Variants in ANK3 observed in about 807,000 individuals in gnomAD.
The protein encoded by ANK3 is ankyrin-3.
In ANK3, 57 loss-of-function variants were observed where a neutral mutation model predicts 370.9. The observed-to-expected ratio is 0.15, with a 90% confidence interval of 0.12 to 0.19. The LOEUF is 0.19. ANK3 is among the 10% of genes least tolerant of loss of function. The probability of loss-of-function intolerance (pLI) is 1.00; values close to 1 mark genes in which losing one functional copy is unlikely to be tolerated. For missense variants in ANK3, 4,439 were observed against 5,302.1 expected (o/e 0.84, Z 5.06); for synonymous variants, 1,929 against 1,946.3 (o/e 0.99, Z 0.23).
intron 2 of ANK3, among the ~76,000 whole-genome samples, chr10:60,408,140 A>C (rs2063490047): frequency 6.6e-6 from 1 of 152,200 alleles, no homozygotes; most frequent in African/African-American, 2.4e-5. Flanking sequence ...TTTCCTAAGA[A>C]ACACTCTTAC....
chr10:60,216,543 T>C (rs571640349), intron 8 of ANK3, among the ~76,000 whole-genome samples: 4 of 152,264 alleles, frequency 2.6e-5, no homozygotes, highest in Admixed American at 2.6e-4. Context: ...TTGTCTTTGG[T>C]TCTGTTTATG....
rs2083032101 is a variant in ANK3 at position 60,072,938 on chromosome 10, T to G, written c.7943A>C (p.Lys2648Thr). Residue 2648 changes from lysine (K) to threonine (T), a missense_variant, in exon 37 of 44, where the codon AAG becomes ACG. This residue lies in a region of ANK3 where 1,601 missense variants were observed against 1,731.7 expected (regional missense o/e 0.92). Transcript: ENST00000280772. ...TCCATCAGGGCCATGCTGTCTTGCC[T>G]TAACCCACTCATCATTGGATGCCAG... ...ELLASNDEWV[K>T]ARQHGPDGQG... 1.9e-6 allele frequency: 3 copies of G among 1,614,012 alleles called. No homozygotes were observed. Among genetic ancestry groups the G allele is most frequent in the Non-Finnish European group, 2.5e-6 (3 of 1,180,016 alleles).
At chr10:60,457,632 T>C (rs1027819731) in intron 2 of ANK3, among the ~76,000 whole-genome samples, 2 of 152,048 alleles carry the variant, frequency 1.3e-5, no homozygotes, top group Admixed American at 6.6e-5. Flanking sequence ...CCTTAGAGTA[T>C]TGGAAGAGGA....
chr10:60,303,711 C>A (rs1239227699), intron 1 of ANK3, among the ~76,000 whole-genome samples: 2 of 152,092 alleles, frequency 1.3e-5, no homozygotes, highest in Non-Finnish European at 2.9e-5. Flanking sequence ...ACAGAACTAC[C>A]TTATGATTCA....
At chr10:60,250,979 A>T (rs537417386) in intron 7 of ANK3, among the ~76,000 whole-genome samples, 4 of 152,328 alleles carry the variant, frequency 2.6e-5, no homozygotes, top group African/African-American at 9.6e-5. Flanking sequence ...AATATTATGA[A>T]CTACACAGTT....
intron 2 of ANK3, among the ~76,000 whole-genome samples, chr10:60,408,240 T>C (rs948339961): frequency 2.6e-5 from 4 of 152,196 alleles, no homozygotes; most frequent in African/African-American, 9.6e-5. Context: ...TCCCCACCCA[T>C]GTTTAATTGT....
chr10:60,103,013 C>T (rs545128372), intron 28 of ANK3, among the ~76,000 whole-genome samples: 6 of 151,872 alleles, frequency 4.0e-5, no homozygotes, highest in South Asian at 2.1e-4. Context: ...TGCAGTGGCG[C>T]GATCTTGGCT....
At chr10:60,641,208 C>T (rs55857708) in intron 1 of ANK3, among the ~76,000 whole-genome samples, 32 of 142,396 alleles carry the variant, frequency 2.2e-4, no homozygotes, top group Non-Finnish European at 4.1e-4. Flanking sequence ...ATACTGCCCA[C>T]GGTAATTTAT....
Position 60,247,595 on chromosome 10 carries a change from C to T in ANK3, c.799-12809G>A, listed in dbSNP as rs1312208214. 2.0e-5 allele frequency among the ~76,000 whole-genome samples: 3 copies of T among 152,130 alleles called. No individual in the cohort carries two copies. The East Asian group carries it at 5.8e-4, about 29-fold the overall frequency. On this transcript the variant is annotated intron_variant, in intron 7 of 43. Coordinates refer to ENST00000280772, the MANE Select transcript of ANK3 (RefSeq NM_020987.5). Reference sequence around the variant, plus strand: ...CTGACTACTATAGATATTATAGATACCTGTGTTAAGTGCAATCATAGTATT... The same window carrying T: ...CTGACTACTATAGATATTATAGATATCTGTGTTAAGTGCAATCATAGTATT...
chr10:60,039,587 T>A (rs72818455), intron 43 of ANK3, among the ~76,000 whole-genome samples: 9,660 of 152,260 alleles, frequency 0.063, 425 homozygotes, highest in Non-Finnish European at 0.098. Context: ...ATACTATTTA[T>A]TAATATAAGT....
In ANK3 at chr10:60,072,692, C is replaced by T. The variant is rs371763950; in HGVS notation, c.8189G>A (p.Ser2730Asn). The T allele has an allele frequency of 3.7e-6, 6 of 1,613,964 alleles. No individual in the cohort carries two copies. The highest frequency in any genetic ancestry group is 1.7e-4 in the Middle Eastern group (1 of 6,056). The change falls in exon 37 of 44, where the codon AGT (serine) becomes AAT (asparagine). Residue 2730 changes from serine (S) to asparagine (N), a missense_variant. Ser to Asn is a conservative substitution (Grantham distance 46, BLOSUM62 1). Around this residue, in one of 13 missense-constraint regions of ANK3, gnomAD observed 1,601 missense variants for 1,731.7 expected, o/e 0.92. Transcript: ENST00000280772. ...LKFEQGTHAK[S>N]KDMSQEDRKS... is the part of the protein sequence containing the mutation. ...TCTGTCTTCTTGAGACATGTCCTTA[C>T]TTTTTGCGTGTGTGCCTTGTTCAAA...
At chr10:60,271,152 C>G (rs1408945109) in intron 4 of ANK3, among the ~76,000 whole-genome samples, 2 of 151,898 alleles carry the variant, frequency 1.3e-5, no homozygotes, top group African/African-American at 4.8e-5. Context: ...AAGATATAAG[C>G]ATCAAACAAT....
intron 42 of ANK3, chr10:60,043,747 C>T (rs1416256879): frequency 1.0e-6 from 1 of 985,410 alleles, no homozygotes; most frequent in African/African-American, 1.7e-5. Context: ...AGGCCAAGCC[C>T]TGGGTGGGGC....
intron 1 of ANK3, among the ~76,000 whole-genome samples, chr10:60,294,984 C>T (rs12769045): frequency 1.3e-5 from 2 of 152,044 alleles, no homozygotes; most frequent in African/African-American, 2.4e-5. Context: ...GACTTTACCC[C>T]AAATTTAAGG....
chr10:60,038,084 GC>G lies in ANK3; in HGVS notation c.*19+4587del, dbSNP rs531448456. Among the ~76,000 whole-genome samples, 277 of 152,326 alleles carry G rather than the reference GC, an allele frequency of 1.8e-3. 2 individuals are homozygous for G. The highest frequency in any genetic ancestry group is 0.01 in the Middle Eastern group (3 of 294). Reference sequence around the variant, plus strand: ...TTATTCATATGCTTGTTGGCCACATGCCTGTCTTCTTTTGAAAAGTGTCTGT... The same window carrying G: ...TTATTCATATGCTTGTTGGCCACATGCTGTCTTCTTTTGAAAAGTGTCTGT... On this transcript the variant is annotated intron_variant, in intron 43 of 43. Transcript: ENST00000280772.
intron 36 of ANK3, among the ~76,000 whole-genome samples, chr10:60,079,226 C>CACACACACAA (rs1564852646): frequency 7.0e-6 from 1 of 143,770 alleles, no homozygotes; most frequent in South Asian, 2.2e-4. Context: ...CACACACACA[C>CACACACACAA]CCCTCTTCTG....
At chr10:60,696,129 T>C (rs923431487) in intron 1 of ANK3, among the ~76,000 whole-genome samples, 4 of 150,092 alleles carry the variant, frequency 2.7e-5, no homozygotes, top group East Asian at 1.9e-4. Context: ...AACACCTCTA[T>C]GCAAATAAAC....
chr10:60,602,583 T>C (rs1026157907), intron 2 of ANK3, among the ~76,000 whole-genome samples: 2 of 152,128 alleles, frequency 1.3e-5, no homozygotes, highest in Non-Finnish European at 2.9e-5. Context: ...ATGGGGCCCA[T>C]GTAATCAGAG....
chr10:60,458,499 C>A (rs1567057481), intron 2 of ANK3, among the ~76,000 whole-genome samples: 1 of 152,076 alleles, frequency 6.6e-6, no homozygotes, highest in Non-Finnish European at 1.5e-5. Flanking sequence ...ATTATGACCT[C>A]ATATACAATG....
Sources: allele counts gnomAD v4.1 joint callset (sites outside exome capture counted in the v4.1 genomes callset), GRCh38; gene constraint gnomAD v4.1.1; regional missense constraint gnomAD v4.1.1; transcripts MANE v1.5; gene names NCBI Gene and HGNC (gene_info 2026-07-23, HGNC 2026-07-21).